MAGI1: variants seen among roughly 807,000 people sequenced by gnomAD.
The protein encoded by MAGI1 is membrane associated guanylate kinase, WW and PDZ domain containing 1.
A neutral mutation model predicts 139.9 loss-of-function variants in MAGI1; 58 were observed. That is an observed-to-expected ratio of 0.41 (90% CI 0.34 to 0.52). The LOEUF is 0.52. MAGI1 is among the 20% of genes least tolerant of loss of function. MAGI1 has a pLI of 0.12. For missense variants in MAGI1, 1,874 were observed against 1,901.6 expected (o/e 0.99, Z 0.27); for synonymous variants, 812 against 737.9 (o/e 1.10, Z -1.63).
intron 2 of MAGI1, among the ~76,000 whole-genome samples, chr3:65,598,956 G>C (rs947627291): frequency 6.6e-6 from 1 of 152,336 alleles, no homozygotes; most frequent in Admixed American, 6.5e-5. Context: ...CTTGTAGCAA[G>C]AGAGTGAATG....
chr3:65,578,031 T>C (rs1008748779), intron 2 of MAGI1, among the ~76,000 whole-genome samples: 2 of 152,222 alleles, frequency 1.3e-5, no homozygotes, highest in Non-Finnish European at 2.9e-5. Context: ...TGTCCGCCCC[T>C]TGGCCTTCTA....
At chr3:65,588,657 T>A (rs1275905743) in intron 2 of MAGI1, among the ~76,000 whole-genome samples, 2 of 152,186 alleles carry the variant, frequency 1.3e-5, no homozygotes, top group Non-Finnish European at 2.9e-5. Flanking sequence ...TTATGTTCTA[T>A]AGTTCTAGGA....
chr3:65,637,565 AAAGAAAG>A (rs2084707141), intron 1 of MAGI1, among the ~76,000 whole-genome samples: 1 of 82,606 alleles, frequency 1.2e-5, no homozygotes, highest in African/African-American at 4.6e-5. Context: ...AAAAAGAAAG[AAAGAAAG>A]AAAGAAAGAA....
At chr3:65,646,672 T>C (rs1197746305) in intron 1 of MAGI1, among the ~76,000 whole-genome samples, 1 of 151,884 alleles carries the variant, frequency 6.6e-6, no homozygotes, top group Non-Finnish European at 1.5e-5. Context: ...TCTCAACAAA[T>C]GTTAAGCGTC....
intron 2 of MAGI1, among the ~76,000 whole-genome samples, chr3:65,511,174 C>A (rs1208148916): frequency 3.4e-5 from 5 of 146,766 alleles, no homozygotes; most frequent in African/African-American, 1.3e-4. Context: ...TGGAAAGGAA[C>A]AACCGGTACC....
chr3:65,905,546 C>T lies in MAGI1; in HGVS notation c.313+132450G>A, dbSNP rs183541700. Among the ~76,000 whole-genome samples the T allele has an allele frequency of 5.1e-3, 769 of 151,894 alleles. 5 individuals are homozygous for T. The highest frequency in any genetic ancestry group is 0.018 in the African/African-American group (727 of 41,416). On this transcript the variant is annotated intron_variant, in intron 1 of 22. Transcript: ENST00000402939. ...TTTTAGAGACAGGGTCTCACTCTGT[C>T]GCCCACATCAGTCTTGAACTCCTGG...
At chr3:65,827,841 G>T (rs2108281553) in intron 1 of MAGI1, among the ~76,000 whole-genome samples, 1 of 152,178 alleles carries the variant, frequency 6.6e-6, no homozygotes, top group South Asian at 2.1e-4. Context: ...TAACATTTAA[G>T]TTATTTTCCC....
chr3:65,387,687 G>T (rs992162546), intron 14 of MAGI1, among the ~76,000 whole-genome samples: 2 of 152,138 alleles, frequency 1.3e-5, no homozygotes, highest in East Asian at 3.9e-4. Flanking sequence ...AGCATTTCAA[G>T]CCAGAATAGT....
intron 2 of MAGI1, among the ~76,000 whole-genome samples, chr3:65,512,856 A>C (rs1192583368): frequency 6.6e-6 from 1 of 151,800 alleles, no homozygotes; most frequent in Non-Finnish European, 1.5e-5. Context: ...ACAGCCAAAA[A>C]AGAGAATTTT....
chr3:65,728,830 C>T (rs1165362720), intron 1 of MAGI1, among the ~76,000 whole-genome samples: 1 of 151,908 alleles, frequency 6.6e-6, no homozygotes, highest in African/African-American at 2.4e-5. Context: ...AGCACTATTC[C>T]TCTAGTAGAA....
chr3:65,823,258 A>C (rs1227944662), intron 1 of MAGI1, among the ~76,000 whole-genome samples: 1 of 152,188 alleles, frequency 6.6e-6, no homozygotes, highest in African/African-American at 2.4e-5. Context: ...GAGTTTGCAA[A>C]AGTGGATGAC....
intron 2 of MAGI1, among the ~76,000 whole-genome samples, chr3:65,494,309 C>A (rs1038382144): frequency 6.6e-6 from 1 of 152,180 alleles, no homozygotes; most frequent in African/African-American, 2.4e-5. Flanking sequence ...GTCATCTTCT[C>A]AGTGGCTAAC....
At chr3:65,639,628 C>T (rs960744613) in intron 1 of MAGI1, among the ~76,000 whole-genome samples, 18 of 152,144 alleles carry the variant, frequency 1.2e-4, no homozygotes, top group Non-Finnish European at 2.5e-4. Flanking sequence ...AGCCAGATTG[C>T]CCTCCTTAGT....
intron 12 of MAGI1, among the ~76,000 whole-genome samples, chr3:65,410,509 A>G (rs1370163081): frequency 6.6e-6 from 1 of 152,230 alleles, no homozygotes; most frequent in East Asian, 1.9e-4. Flanking sequence ...GTCTACTACG[A>G]TAAGATTAAT....
At chr3:65,844,164 T>C in intron 1 of MAGI1, 1 of 519,198 alleles carries the variant, frequency 1.9e-6, no homozygotes, top group Non-Finnish European at 3.8e-6. Flanking sequence ...AAATTTTTGC[T>C]GCACATGTGT....
intron 1 of MAGI1, among the ~76,000 whole-genome samples, chr3:65,790,064 G>T (rs1240475251): frequency 6.6e-6 from 1 of 152,156 alleles, no homozygotes; most frequent in African/African-American, 2.4e-5. Flanking sequence ...AACTAAAGAT[G>T]TCTAACAGAA....
chr3:65,898,121 G>C (rs1044788899), intron 1 of MAGI1, among the ~76,000 whole-genome samples: 5 of 152,198 alleles, frequency 3.3e-5, no homozygotes, highest in Non-Finnish European at 5.9e-5. Context: ...ACCAGCCAGA[G>C]AGTTTGATAT....
intron 2 of MAGI1, among the ~76,000 whole-genome samples, chr3:65,600,515 C>G (rs775311446): frequency 6.6e-6 from 1 of 152,216 alleles, no homozygotes; most frequent in Non-Finnish European, 1.5e-5. Context: ...AAGGCTCTCC[C>G]AGCTTGTGTG....
chr3:66,009,422 A>C (rs1363277477), intron 1 of MAGI1, among the ~76,000 whole-genome samples: 1 of 152,112 alleles, frequency 6.6e-6, no homozygotes, highest in African/African-American at 2.4e-5. Flanking sequence ...AGGCAGGAGA[A>C]TCACTTGAAC....
Sources: gnomAD v4.1 joint callset for allele counts (sites outside exome capture counted in the v4.1 genomes callset) on GRCh38, gnomAD v4.1.1 for gene constraint, MANE v1.5 for transcripts, NCBI Gene and HGNC (gene_info 2026-07-23, HGNC 2026-07-21) for gene names.